DCTN1: variants seen among roughly 807,000 people sequenced by gnomAD.
The protein encoded by DCTN1 is dynactin subunit 1.
A neutral mutation model predicts 161.2 loss-of-function variants in DCTN1; 61 were observed. The ratio of observed to expected loss-of-function variants is 0.38; its 90% CI spans 0.31 to 0.47. The LOEUF is 0.47. Among genes scored for constraint, DCTN1 ranks in the 20% least tolerant of loss-of-function variants. DCTN1 has a pLI of 0.99. For synonymous variants in DCTN1, 653 were observed against 632.4 expected (o/e 1.03, Z -0.49); for missense variants, 1,404 against 1,623.7 (o/e 0.86, Z 2.33).
At position 74,369,958 on chromosome 2, in the gene DCTN1, C is replaced by T. The variant is rs770354216; in HGVS notation, c.1392+7G>A. 1.4e-5 allele frequency: 23 copies of T among 1,613,820 alleles called. No individual in the cohort carries two copies. In the African/African-American group the frequency reaches 1.5e-4, roughly 10 times the overall value. On this transcript the variant is annotated splice_region_variant and intron_variant, in intron 13 of 31. Coordinates refer to ENST00000628224, the MANE Select transcript of DCTN1 (RefSeq NM_004082.5). This position sits in a 1 kb window ranked among gnomAD's most constrained non-coding sequence, Gnocchi z 4.9. ...AGTCAGATGTCAGGGGTCTGCTCTT[C>T]TCTTACCAAGTCTCCCACAGTCTCC...
At chr2:74,389,121 G>C (rs1413828967) in intron 1 of DCTN1, among the ~76,000 whole-genome samples, 1 of 152,108 alleles carries the variant, frequency 6.6e-6, no homozygotes, top group Non-Finnish European at 1.5e-5. Flanking sequence ...GGAAGGATTT[G>C]GGGCAGCAAG....
rs1309359471 is a variant in DCTN1, at chr2:74,367,777, G to A, written c.2103C>T (p.Phe701=). The change falls in exon 18 of 32, where the codon TTC becomes TTT. Residue 701 remains phenylalanine (F), a synonymous_variant. Coordinates refer to ENST00000628224, the MANE Select transcript of DCTN1 (RefSeq NM_004082.5). ...EMSAHERSLD[F]LIELLHKDQL... is the part of the protein sequence containing the mutation. ...GATCCTTGTGCAGCAGTTCAATGAG[G>A]AAATCCAAGGAGCGCTCATGGGCAC... 2 of 1,614,190 alleles carry A rather than the reference G, an allele frequency of 1.2e-6. No individual in the cohort carries two copies. The highest frequency in any genetic ancestry group is 1.7e-6 in the Non-Finnish European group (2 of 1,180,040).
At chr2:74,388,643 T>C (rs1297077475) in intron 1 of DCTN1, among the ~76,000 whole-genome samples, 1 of 152,224 alleles carries the variant, frequency 6.6e-6, no homozygotes. Context: ...TTGAGACATA[T>C]CTCCATTTCA....
chr2:74,361,370 G>A lies in DCTN1; in HGVS notation c.*129C>T, dbSNP rs1333887458. 2.3e-6 allele frequency: 3 copies of A among 1,332,654 alleles called. No individual in the cohort carries two copies. Among genetic ancestry groups the A allele is most frequent in the African/African-American group, 1.4e-5 (1 of 69,522 alleles). 82.6% of individuals were successfully genotyped at this position (1,332,654 alleles called of 1,614,324 possible). A position where few individuals can be genotyped will look rare whatever the true frequency, so the allele number is the denominator to read the frequency against. On this transcript the variant is annotated 3_prime_UTR_variant, in exon 32 of 32. Transcript: ENST00000628224. ...GGGGCAGGACGCTGAAAGGGTGGGA[G>A]TGAAGCTGAACGGGGCAGGAAGAGC...
intron 1 of DCTN1, 142 bp downstream of exon 1, chr2:74,379,863 C>A (rs1014421075): frequency 1.0e-4 from 86 of 853,440 alleles, no homozygotes; most frequent in African/African-American, 1.2e-4. Flanking sequence ...ACCAGGGCTT[C>A]GAGGGCTCCT....
chr2:74,368,222 G>C, intron 16 of DCTN1, 91 bp from the exon 17 acceptor site: 1 of 1,498,326 alleles, frequency 6.7e-7, no homozygotes, highest in Non-Finnish European at 9.1e-7. Context: ...TAACTATGTG[G>C]GGAGCATGGA....
chr2:74,391,124 A>C (rs897006178), intron 1 of DCTN1: 1 of 152,934 alleles, frequency 6.5e-6, no homozygotes, highest in Non-Finnish European at 1.5e-5. Flanking sequence ...CTTTGGCAGT[A>C]CATTAAGTAA....
At chr2:74,379,675 T>C (rs1429800203) in intron 1 of DCTN1, among the ~76,000 whole-genome samples, 1 of 152,150 alleles carries the variant, frequency 6.6e-6, no homozygotes, top group Admixed American at 6.5e-5. Context: ...AAGCAGCTCT[T>C]AAGAAAGGCT....
In DCTN1 at chr2:74,366,538, T is replaced by A. The variant is rs75213803; in HGVS notation, c.2549A>T (p.Gln850Leu). 1.2e-6 allele frequency: 2 copies of A among 1,614,110 alleles called. No homozygotes were observed. The highest frequency in any genetic ancestry group is 1.7e-6 in the Non-Finnish European group (2 of 1,179,988). The change falls in exon 22 of 32, where the codon CAG becomes CTG. Residue 850 changes from glutamine to leucine, a missense_variant. Around this residue, in one of 9 missense-constraint regions of DCTN1, gnomAD observed 475 missense variants for 489.8 expected, o/e 0.97. Coordinates refer to ENST00000628224, the MANE Select transcript of DCTN1 (RefSeq NM_004082.5). Reference sequence around the variant, plus strand: ...ATTCTCTGCCAGTGGGGCAATGAGCTGGGCAGCAGCAGCTGCCACCTCCTG... The same window carrying A: ...ATTCTCTGCCAGTGGGGCAATGAGCAGGGCAGCAGCAGCTGCCACCTCCTG... ...VLQEVAAAAA[Q>L]LIAPLAENEG...
chr2:74,371,730 T>A lies in DCTN1; in HGVS notation c.454-2A>T, dbSNP rs765247506. ...CCCAGTACTGGCTGGGCGCGTGGGCTATTCAGAAAGGGTAGAGGCAGACCA... is the reference window on the plus strand; with the variant it reads ...CCCAGTACTGGCTGGGCGCGTGGGCAATTCAGAAAGGGTAGAGGCAGACCA... On this transcript the variant is annotated splice_acceptor_variant, in intron 7 of 31. Transcript: ENST00000628224. LOFTEE classifies it high-confidence loss of function. 6.2e-7 allele frequency: 1 copy of A among 1,607,306 alleles called. No individual in the cohort carries two copies. The highest frequency in any genetic ancestry group is 1.1e-5 in the South Asian group (1 of 89,534).
intron 4 of DCTN1, 113 bp from the exon 5 acceptor site, chr2:74,376,875 G>GA: frequency 1.1e-6 from 1 of 901,722 alleles, no homozygotes. Context: ...GTCAGGGTGA[G>GA]ATGAGTAGCC....
chr2:74,387,922 C>T (rs1462989644), intron 1 of DCTN1, among the ~76,000 whole-genome samples: 1 of 152,218 alleles, frequency 6.6e-6, no homozygotes, highest in East Asian at 1.9e-4. Flanking sequence ...ACAGTGGCTA[C>T]ACCTGTAATC....
At chr2:74,391,820 G>C (rs1485091303) in exon 1 of DCTN1, 2 of 453,936 alleles carry the variant, frequency 4.4e-6, no homozygotes, top group Admixed American at 2.3e-5. Flanking sequence ...TCCGCGCCCA[G>C]CTCCGACCCC....
At chr2:74,364,625 T>C (rs1674263745) in intron 26 of DCTN1, 1 of 276,150 alleles carries the variant, frequency 3.6e-6, no homozygotes, top group Non-Finnish European at 7.0e-6. Flanking sequence ...GTGGAAGATA[T>C]GACCACATCA....
rs922837061 is a variant in DCTN1 at position 74,365,276 on chromosome 2, T to C, written c.3030-35A>G. On this transcript the variant is annotated intron_variant, in intron 25 of 31. Transcript: ENST00000628224. ...AGAATCTGGGCTTTGGCAGTGTCCC[T>C]TCTCTAAAGCACTCCTTGACTATTC... 2 of 1,612,956 alleles carry C rather than the reference T, an allele frequency of 1.2e-6. 1 individual carries two copies. The highest frequency in any genetic ancestry group is 2.7e-5 in the African/African-American group (2 of 75,026).
rs2103646064 is a variant in DCTN1 at position 74,369,342 on chromosome 2, C to T, written c.1542G>A (p.Gln514=). ...GCTGGCGGTACTTCTTGATGGTCTGCTGGTAGTCTGCAACCGTCTCCTGGG... is the reference window on the plus strand; with the variant it reads ...GCTGGCGGTACTTCTTGATGGTCTGTTGGTAGTCTGCAACCGTCTCCTGGG... ...EAAQETVADY[Q]QTIKKYRQLT... Residue 514 remains glutamine (Q), a synonymous_variant, in exon 14 of 32, where the codon CAG becomes CAA. Coordinates refer to ENST00000628224, the MANE Select transcript of DCTN1 (RefSeq NM_004082.5). This position sits in a 1 kb window ranked among gnomAD's most constrained non-coding sequence, Gnocchi z 4.9. The T allele has an allele frequency of 6.2e-7, 1 of 1,614,186 alleles. No individual in the cohort carries two copies. Among genetic ancestry groups the T allele is most frequent in the Non-Finnish European group, 8.5e-7 (1 of 1,180,044 alleles).
Position 74,378,040 on chromosome 2 carries a change from G to C in DCTN1, c.239C>G (p.Thr80Ser). The C allele has an allele frequency of 6.2e-7, 1 of 1,614,262 alleles. No individual in the cohort carries two copies. Among genetic ancestry groups the C allele is most frequent in the Admixed American group, 1.7e-5 (1 of 60,026 alleles). Residue 80 changes from threonine to serine, a missense_variant, in exon 2 of 32, where the codon ACT becomes AGT. Coordinates refer to ENST00000628224, the MANE Select transcript of DCTN1 (RefSeq NM_004082.5). ...AAAGATGCCATGCCCTTCATCACAA[G>C]TGAAGTACTTCCTGCCTTGAACAGT... ...DGTVQGRKYF[T>S]CDEGHGIFVR... is the part of the protein sequence containing the mutation.
chr2:74,377,095 C>A (rs1675272213), intron 4 of DCTN1, among the ~76,000 whole-genome samples: 1 of 152,208 alleles, frequency 6.6e-6, no homozygotes, highest in Non-Finnish European at 1.5e-5. Flanking sequence ...TCTACCTTAA[C>A]CTTACCCTCA....
At position 74,361,560 on chromosome 2, in the gene DCTN1, C is replaced by T. The variant is rs573184955; in HGVS notation, c.3776G>A (p.Arg1259Gln). 47 of 1,614,052 alleles carry T rather than the reference C, an allele frequency of 2.9e-5. No homozygotes were observed. In the South Asian group the frequency reaches 4.2e-4, roughly 14 times the overall value. Residue 1259 changes from arginine (R) to glutamine (Q), a missense_variant, in exon 32 of 32, where the codon CGA becomes CAA. Physicochemically the swap from Arg to Gln is conservative, Grantham distance 43. This residue lies in a region of DCTN1 where 311 missense variants were observed against 298.9 expected (regional missense o/e 1.04). Transcript: ENST00000628224. ...TFSCAAGFGQRHRLVLTQEQL... is the reference protein window; with the variant it reads ...TFSCAAGFGQQHRLVLTQEQL... The stretch of plus-strand genomic sequence containing the variant: ...CTCCTGGGTCAGCACCAGCCGGTGT[C>T]GCTGTCCAAAACCAGCCGCACATGA...
Sources: gnomAD v4.1 joint callset for allele counts (sites outside exome capture counted in the v4.1 genomes callset) on GRCh38, gnomAD v4.1.1 for gene constraint, gnomAD v4.1.1 regional missense constraint, Gnocchi (gnomAD v3.1) non-coding constraint, MANE v1.5 for transcripts, NCBI Gene and HGNC (gene_info 2026-07-23, HGNC 2026-07-21) for gene names.